Variants in PAM observed in about 807,000 individuals in gnomAD.
PAM encodes the protein peptidyl-glycine alpha-amidating monooxygenase.
Under a neutral mutation model 122.1 loss-of-function variants are expected in PAM, and 72 were observed. The observed-to-expected ratio is 0.59, with a 90% confidence interval of 0.49 to 0.72. The LOEUF (loss-of-function observed/expected upper bound fraction) is 0.72. Among genes scored for constraint, PAM ranks in the 30% least tolerant of loss-of-function variants. PAM has a pLI of 0.00. For synonymous variants in PAM, 389 were observed against 404.4 expected (o/e 0.96, Z 0.46); for missense variants, 1,106 against 1,183.7 (o/e 0.93, Z 0.96).
intron 16 of PAM, among the ~76,000 whole-genome samples, chr5:102,997,449 G>A (rs1326104335): frequency 1.3e-5 from 2 of 151,920 alleles, no homozygotes; most frequent in African/African-American, 4.8e-5. Context: ...AGTCTGGTAG[G>A]TTGAGGCTCC....
intron 7 of PAM, among the ~76,000 whole-genome samples, chr5:102,938,780 T>C (rs1581919365): frequency 1.3e-5 from 2 of 152,244 alleles, no homozygotes; most frequent in African/African-American, 4.8e-5. Context: ...CAGTCTAAAA[T>C]TAGGAGCTAC....
At chr5:102,960,324 T>G (rs1219498037) in intron 13 of PAM, among the ~76,000 whole-genome samples, 2 of 152,030 alleles carry the variant, frequency 1.3e-5, no homozygotes, top group Non-Finnish European at 2.9e-5. Flanking sequence ...TGTAGACCTT[T>G]TTTCACTTAA....
chr5:102,943,543 C>G (rs555618681), intron 7 of PAM, among the ~76,000 whole-genome samples: 39 of 152,064 alleles, frequency 2.6e-4, no homozygotes, highest in East Asian at 3.9e-4. Context: ...GATATAGAAC[C>G]CTTGTTTTTT....
intron 3 of PAM, among the ~76,000 whole-genome samples, chr5:102,887,722 C>T (rs1470249058): frequency 6.6e-6 from 1 of 151,720 alleles, no homozygotes; most frequent in African/African-American, 2.4e-5. Flanking sequence ...AAATTTTTCC[C>T]TTTTCCTCTC....
rs906820696 is a variant in PAM at position 103,025,117 on chromosome 5, T to C, written c.2486-14T>C. ...TGAGTCAGTTGAATATTGTGAACTC[T>C]TCTTTCCCTGAAGAAGCCGAGGCAG... On this transcript the variant is annotated splice_polypyrimidine_tract_variant and intron_variant, in intron 23 of 25. Coordinates refer to ENST00000438793, the MANE Select transcript of PAM (RefSeq NM_001177306.2). The C allele has an allele frequency of 1.9e-6, 3 of 1,600,026 alleles. No homozygotes were observed. Among genetic ancestry groups the C allele is most frequent in the African/African-American group, 2.7e-5 (2 of 74,560 alleles).
intron 16 of PAM, among the ~76,000 whole-genome samples, chr5:102,998,137 G>A (rs1000565115): frequency 6.6e-6 from 1 of 152,192 alleles, no homozygotes; most frequent in Non-Finnish European, 1.5e-5. Context: ...CCTGGAGAGG[G>A]AGGGAAACCT....
At chr5:102,759,852 C>T (rs961884570) in intron 1 of PAM, among the ~76,000 whole-genome samples, 1 of 152,144 alleles carries the variant, frequency 6.6e-6, no homozygotes, top group Non-Finnish European at 1.5e-5. Context: ...TTACAAGATG[C>T]AGTCTAGCTA....
chr5:102,927,215 G>T (rs1339115281), intron 7 of PAM, among the ~76,000 whole-genome samples: 4 of 152,136 alleles, frequency 2.6e-5, no homozygotes, highest in Admixed American at 2.0e-4. Flanking sequence ...GACACCTGTT[G>T]CTCTACCAGT....
At chr5:102,854,973 T>A (rs1049924012) in intron 1 of PAM, among the ~76,000 whole-genome samples, 4 of 152,250 alleles carry the variant, frequency 2.6e-5, no homozygotes, top group African/African-American at 7.2e-5. Flanking sequence ...CATTGTACTT[T>A]CAGTGGTGAA....
At chr5:103,007,228 G>T (rs769347092) in intron 19 of PAM, among the ~76,000 whole-genome samples, 1 of 126,352 alleles carries the variant, frequency 7.9e-6, no homozygotes, top group African/African-American at 3.6e-5. Context: ...CACACGTCTT[G>T]TAAGGAAAAT....
chr5:102,838,773 T>C (rs1228244982), intron 1 of PAM, among the ~76,000 whole-genome samples: 1 of 152,208 alleles, frequency 6.6e-6, no homozygotes, highest in Non-Finnish European at 1.5e-5. Context: ...ATGACACATA[T>C]ATCATGAATG....
At chr5:102,940,920 TTC>T (rs1284362855) in intron 7 of PAM, among the ~76,000 whole-genome samples, 1 of 152,138 alleles carries the variant, frequency 6.6e-6, no homozygotes, top group Non-Finnish European at 1.5e-5. Flanking sequence ...CAATAAAGAG[TTC>T]TAAAGCCAAT....
At chr5:103,022,082 A>C (rs1783708806) in intron 23 of PAM, among the ~76,000 whole-genome samples, 1 of 152,066 alleles carries the variant, frequency 6.6e-6, no homozygotes, top group Non-Finnish European at 1.5e-5. Context: ...ATCTCACCAA[A>C]GCATAGCTCT....
chr5:102,890,384 A>C (rs1209267497), intron 3 of PAM, among the ~76,000 whole-genome samples: 1 of 151,904 alleles, frequency 6.6e-6, no homozygotes, highest in Non-Finnish European at 1.5e-5. Context: ...AATGATCATC[A>C]TTGCCGTGGT....
intron 22 of PAM, 148 bp downstream of exon 22, chr5:103,017,581 T>A: frequency 3.3e-6 from 2 of 598,476 alleles, no homozygotes; most frequent in South Asian, 4.8e-5. Context: ...ACCTATTTGG[T>A]GTCCATTAAG....
rs79054861 is a variant in PAM at position 102,755,640 on chromosome 5, G to A, written c.-374+292G>A. On this transcript the variant is annotated intron_variant, in intron 1 of 25. Transcript: ENST00000438793. ...GTCCCTGGCCAGTTTGTGAGGGGTC[G>A]TCCTCCCCTCCGGTCCTTCTCACCT... Among the ~76,000 whole-genome samples the A allele has an allele frequency of 6.4e-3, 966 of 152,048 alleles. 7 individuals carry two copies. Among genetic ancestry groups the A allele is most frequent in the African/African-American group, 0.021 (876 of 41,492 alleles).
intron 15 of PAM, chr5:102,989,750 G>A (rs1257523773): frequency 6.6e-6 from 1 of 151,258 alleles, no homozygotes; most frequent in Non-Finnish European, 1.5e-5. Context: ...TTATTATGGG[G>A]GCTATTTTAT....
intron 13 of PAM, 33 bp downstream of exon 13, chr5:102,960,092 T>A: frequency 8.4e-7 from 1 of 1,188,682 alleles, no homozygotes; most frequent in African/African-American, 1.6e-5. Context: ...AAGTAATATA[T>A]GATTTTGTAT....
intron 1 of PAM, among the ~76,000 whole-genome samples, chr5:102,767,855 ACT>A (rs1276521850): frequency 1.3e-5 from 2 of 152,130 alleles, no homozygotes; most frequent in African/African-American, 4.8e-5. Context: ...CTCTTGGTGT[ACT>A]CTCAAGTAGA....
Sources: gnomAD v4.1 joint callset for allele counts (sites outside exome capture counted in the v4.1 genomes callset) on GRCh38, gnomAD v4.1.1 for gene constraint, MANE v1.5 for transcripts, NCBI Gene and HGNC (gene_info 2026-07-23, HGNC 2026-07-21) for gene names.